ARPC4: variants seen among roughly 807,000 people sequenced by gnomAD.
ARPC4 encodes the protein actin-related protein 2/3 complex subunit 4.
Under a neutral mutation model 22.8 loss-of-function variants are expected in ARPC4, and 3 were observed. The ratio of observed to expected loss-of-function variants is 0.13; its 90% CI spans 0.06 to 0.34. The LOEUF (loss-of-function observed/expected upper bound fraction) is 0.34. ARPC4 is among the 10% of genes least tolerant of loss of function. The probability of loss-of-function intolerance (pLI) is 1.00; values close to 1 mark genes in which losing one functional copy is unlikely to be tolerated. For missense variants in ARPC4, 98 were observed against 211.0 expected (o/e 0.46, Z 3.32); for synonymous variants, 80 against 72.5 (o/e 1.10, Z -0.52).
chr3:9,804,054 A>G, intron 5 of ARPC4, 41 bp downstream of exon 5: 2 of 1,602,522 alleles, frequency 1.2e-6, no homozygotes, highest in Non-Finnish European at 1.7e-6. Flanking sequence ...AGGCCAGAGG[A>G]TCTGGGGGTC....
At chr3:9,801,052 A>G (rs564963332) in intron 3 of ARPC4, among the ~76,000 whole-genome samples, 1 of 151,726 alleles carries the variant, frequency 6.6e-6, no homozygotes, top group Non-Finnish European at 1.5e-5. Flanking sequence ...CTCTACTAAA[A>G]ATACAGAAAT....
intron 1 of ARPC4, among the ~76,000 whole-genome samples, chr3:9,794,238 G>A (rs180985597): frequency 1.3e-4 from 20 of 152,224 alleles, no homozygotes; most frequent in Admixed American, 1.3e-3. Flanking sequence ...GGTGGCTCAC[G>A]CTTGTAATCC....
chr3:9,806,193 C>G lies in ARPC4; in HGVS notation c.502-17C>G, dbSNP rs1354164482. The stretch of plus-strand genomic sequence containing the variant: ...CAATAATAACCACCATGCACTGCCT[C>G]TTGGTTCTCTTGACAGTTTTAAACC... On this transcript the variant is annotated splice_polypyrimidine_tract_variant and intron_variant, in intron 5 of 5. Transcript: ENST00000397261. The G allele has an allele frequency of 6.2e-7, 1 of 1,613,782 alleles. No individual in the cohort carries two copies. Among genetic ancestry groups the G allele is most frequent in the Non-Finnish European group, 8.5e-7 (1 of 1,179,676 alleles).
At chr3:9,792,648 G>A (rs2078767485), upstream of ARPC4, 1 of 1,231,430 alleles carries the variant, frequency 8.1e-7, no homozygotes, top group Non-Finnish European at 1.0e-6. Context: ...GGGAGGCGGA[G>A]CTTGGCGGCC....
At chr3:9,793,661 C>T (rs557369305) in intron 1 of ARPC4, among the ~76,000 whole-genome samples, 6 of 152,342 alleles carry the variant, frequency 3.9e-5, no homozygotes, top group Admixed American at 2.6e-4. Context: ...CTGGTCAGAA[C>T]TGAACTGTGT....
intron 4 of ARPC4, among the ~76,000 whole-genome samples, chr3:9,803,044 C>T (rs1054917009): frequency 7.3e-5 from 11 of 151,712 alleles, no homozygotes; most frequent in Admixed American, 1.3e-4. Flanking sequence ...CCACCATTCC[C>T]GGCTAATTTT....
intron 1 of ARPC4, among the ~76,000 whole-genome samples, chr3:9,795,605 A>G (rs2078866275): frequency 1.3e-5 from 2 of 151,882 alleles, no homozygotes; most frequent in Admixed American, 1.3e-4. Context: ...ACTCATTACT[A>G]CTCTGGAACT....
intron 1 of ARPC4, among the ~76,000 whole-genome samples, chr3:9,794,693 A>AT (rs1175017213): frequency 1.4e-4 from 21 of 151,926 alleles, no homozygotes; most frequent in Non-Finnish European, 2.9e-5. Flanking sequence ...AAAAAAAAAA[A>AT]GTCAAGTTGT....
At chr3:9,792,987 C>G (rs1575314547), upstream of ARPC4, 1 of 1,461,570 alleles carries the variant, frequency 6.8e-7, no homozygotes, top group Non-Finnish European at 9.0e-7. Context: ...TAAGGGCTCT[C>G]TACCCCGCTC....
rs1280922676 is a variant in ARPC4 at position 9,798,882 on chromosome 3, A to G, written c.122+1105A>G. On this transcript the variant is annotated intron_variant, in intron 2 of 5. Coordinates refer to ENST00000397261, the MANE Select transcript of ARPC4 (RefSeq NM_005718.5). The stretch of plus-strand genomic sequence containing the variant: ...AGCAAGACTTCGTCTCAAAAATAAA[A>G]TAAAATAAAATAAAATAAAATAAAA... Among the ~76,000 whole-genome samples, 22 of 54,962 alleles carry G rather than the reference A, an allele frequency of 4.0e-4. No homozygotes were observed. The East Asian group carries it at 5.4e-3, about 14-fold the overall frequency. The allele number at this position is 54,962 out of a possible 152,430, so 36.1% of individuals were successfully genotyped here. A position where few individuals can be genotyped will look rare whatever the true frequency, so the allele number is the denominator to read the frequency against.
chr3:9,792,908 T>C (rs1367521510), upstream of ARPC4: 4 of 1,397,968 alleles, frequency 2.9e-6, no homozygotes, highest in Non-Finnish European at 3.7e-6. Flanking sequence ...AAATAGTGAC[T>C]CGAGTGCAAG....
At chr3:9,805,666 G>A (rs560657712) in intron 5 of ARPC4, among the ~76,000 whole-genome samples, 6 of 152,232 alleles carry the variant, frequency 3.9e-5, no homozygotes, top group Non-Finnish European at 8.8e-5. Context: ...TCATCTTTGG[G>A]CTAGTTTCAG....
intron 4 of ARPC4, among the ~76,000 whole-genome samples, chr3:9,802,139 T>C (rs1005496352): frequency 2.1e-5 from 3 of 142,314 alleles, no homozygotes; most frequent in Non-Finnish European, 3.0e-5. Context: ...CTCAGGAGGC[T>C]GAGGCAGAGA....
chr3:9,799,916 G>C, intron 2 of ARPC4: 1 of 581,596 alleles, frequency 1.7e-6, no homozygotes, highest in East Asian at 3.9e-5. Context: ...TCATTTTACA[G>C]ATGAGAAAAT....
Position 9,806,379 on chromosome 3 carries a change from C to CTA in ARPC4, c.*164_*165insTA. On this transcript the variant is annotated 3_prime_UTR_variant, in exon 6 of 6. Coordinates refer to ENST00000397261, the MANE Select transcript of ARPC4 (RefSeq NM_005718.5). Reference sequence around the variant, plus strand: ...TGTGCTTGCTAGCTGGGCAAGAAAGCAGCAGTGGACCTGCCCCAAGGCCAC... The same window carrying CTA: ...TGTGCTTGCTAGCTGGGCAAGAAAGCTAAGCAGTGGACCTGCCCCAAGGCCAC... 1.3e-6 allele frequency: 1 copy of CTA among 798,984 alleles called. No homozygotes were observed. 49.5% of individuals were successfully genotyped at this position (798,984 alleles called of 1,614,324 possible). A position where few individuals can be genotyped will look rare whatever the true frequency, so the allele number is the denominator to read the frequency against.
chr3:9,806,210 T>C lies in ARPC4; in HGVS notation c.502T>C (p.Phe168Leu). Residue 168 changes from phenylalanine (F) to leucine (L), a missense_variant and splice_region_variant, in exon 6 of 6, where the codon TTT (phenylalanine) becomes CTT (leucine). Phe to Leu is a conservative substitution (Grantham distance 22). Coordinates refer to ENST00000397261, the MANE Select transcript of ARPC4 (RefSeq NM_005718.5). Reference protein sequence around the residue: ...RIVAEEFLKNF With the variant: ...RIVAEEFLKNL Reference sequence around the variant, plus strand: ...CACTGCCTCTTGGTTCTCTTGACAGTTTTAAACCATCTGGCTGGATCTCGT... The same window carrying C: ...CACTGCCTCTTGGTTCTCTTGACAGCTTTAAACCATCTGGCTGGATCTCGT... The C allele has an allele frequency of 6.2e-7, 1 of 1,613,860 alleles. No homozygotes were observed. The highest frequency in any genetic ancestry group is 8.5e-7 in the Non-Finnish European group (1 of 1,179,782).
At chr3:9,798,655 T>G (rs942933044) in intron 2 of ARPC4, among the ~76,000 whole-genome samples, 3 of 151,792 alleles carry the variant, frequency 2.0e-5, no homozygotes, top group African/African-American at 7.3e-5. Flanking sequence ...GCAGACAGAT[T>G]ATGAGGTCAA....
At position 9,801,648 on chromosome 3, in the gene ARPC4, T is replaced by C. The variant is rs2079013095; in HGVS notation, c.235-13T>C. 2 of 1,597,368 alleles carry C rather than the reference T, an allele frequency of 1.3e-6. No individual in the cohort carries two copies. On this transcript the variant is annotated splice_polypyrimidine_tract_variant and intron_variant, in intron 3 of 5. Coordinates refer to ENST00000397261, the MANE Select transcript of ARPC4 (RefSeq NM_005718.5). ...TCAGCTTTAGAGAAACATTTCTCTC[T>C]TGCACTCCCCAGGCTGATGAGATCG...
intron 1 of ARPC4, among the ~76,000 whole-genome samples, chr3:9,793,711 C>G (rs2078810841): frequency 6.6e-6 from 1 of 152,226 alleles, no homozygotes; most frequent in African/African-American, 2.4e-5. Flanking sequence ...GCTCATCCCT[C>G]CCTTCCTGGA....
Sources: gnomAD v4.1 joint callset for allele counts (sites outside exome capture counted in the v4.1 genomes callset) on GRCh38, gnomAD v4.1.1 for gene constraint, MANE v1.5 for transcripts, NCBI Gene and HGNC (gene_info 2026-07-23, HGNC 2026-07-21) for gene names.